Variants in GRIN3A observed in about 807,000 individuals in gnomAD.
GRIN3A encodes glutamate receptor ionotropic, NMDA 3A.
Under a neutral mutation model 92.4 loss-of-function variants are expected in GRIN3A, and 47 were observed. The ratio of observed to expected loss-of-function variants is 0.51; its 90% CI spans 0.40 to 0.65. The LOEUF (loss-of-function observed/expected upper bound fraction) is 0.65. GRIN3A is among the 30% of genes least tolerant of loss of function. The probability of loss-of-function intolerance (pLI) is 0.00; values close to 1 mark genes in which losing one functional copy is unlikely to be tolerated. For missense variants in GRIN3A, 1,324 were observed against 1,393.1 expected, an observed-to-expected ratio of 0.95 and a Z score of 0.79; for synonymous variants, 527 against 540.6, an observed-to-expected ratio of 0.97 and a Z score of 0.35.
intron 1 of GRIN3A, among the ~76,000 whole-genome samples, chr9:101,706,351 T>G (rs1469634480): frequency 1.3e-5 from 2 of 152,210 alleles, no homozygotes; most frequent in African/African-American, 4.8e-5. Context: ...ATGGGTCAGA[T>G]GCACTTAAAT....
chr9:101,618,360 AACAACCCCAT>A (rs1457241896), intron 5 of GRIN3A, among the ~76,000 whole-genome samples: 2 of 152,010 alleles, frequency 1.3e-5, no homozygotes, highest in Non-Finnish European at 2.9e-5. Context: ...GAAAAAAACA[AACAACCCCAT>A]CAAAAAGTGG....
In GRIN3A at chr9:101,573,490, A is replaced by G; in HGVS notation, c.3032T>C (p.Leu1011Pro). The G allele has an allele frequency of 6.2e-7, 1 of 1,613,974 alleles. No individual in the cohort carries two copies. Among genetic ancestry groups the G allele is most frequent in the Non-Finnish European group, 8.5e-7 (1 of 1,179,912 alleles). ...EKRSNVGPRQ[L>P]TVWNTSNLSH... Reference sequence around the variant, plus strand: ...CAGATTGGAAGTATTCCATACGGTAAGCTGACGGGGTCCCACATTAGACCT... The same window carrying G: ...CAGATTGGAAGTATTCCATACGGTAGGCTGACGGGGTCCCACATTAGACCT... Residue 1011 changes from leucine to proline, a missense_variant, in exon 9 of 9, where the codon CTT becomes CCT. Leu to Pro is a moderately conservative substitution (Grantham distance 98, BLOSUM62 -3). Coordinates refer to ENST00000361820, the MANE Select transcript of GRIN3A (RefSeq NM_133445.3).
intron 3 of GRIN3A, among the ~76,000 whole-genome samples, chr9:101,659,948 T>G (rs1264064128): frequency 6.6e-6 from 1 of 151,916 alleles, no homozygotes; most frequent in Non-Finnish European, 1.5e-5. Context: ...TTTTGACTTA[T>G]CAATCTGAAC....
intron 3 of GRIN3A, among the ~76,000 whole-genome samples, chr9:101,646,782 G>A (rs897038893): frequency 6.6e-6 from 1 of 151,536 alleles, no homozygotes; most frequent in Non-Finnish European, 1.5e-5. Context: ...CTGCGCATGG[G>A]ATTGCTTTCT....
rs369991777 is a variant in GRIN3A at position 101,737,640 on chromosome 9, C to G, written c.340G>C (p.Gly114Arg). 1.1e-5 allele frequency: 18 copies of G among 1,609,726 alleles called. No individual in the cohort carries two copies. Among genetic ancestry groups the G allele is most frequent in the Admixed American group, 1.7e-5 (1 of 59,788 alleles). Residue 114 changes from glycine to arginine, a missense_variant, in exon 1 of 9, where the codon GGG becomes CGG. Coordinates refer to ENST00000361820, the MANE Select transcript of GRIN3A (RefSeq NM_133445.3). The part of the protein sequence containing the change: ...GRGPPGSRKP[G>R]EGARAEALWP... The stretch of plus-strand genomic sequence containing the variant: ...AGGGCCTCCGCCCTGGCGCCCTCCC[C>G]GGGCTTACGGGAGCCCGGCGGCCCC...
At chr9:101,651,324 C>G (rs1829012345) in intron 3 of GRIN3A, among the ~76,000 whole-genome samples, 1 of 151,646 alleles carries the variant, frequency 6.6e-6, no homozygotes, top group African/African-American at 2.4e-5. Context: ...AAAACAACAC[C>G]AAGCAAACCA....
chr9:101,576,387 A>C (rs1244562544), intron 8 of GRIN3A, among the ~76,000 whole-genome samples: 3 of 152,120 alleles, frequency 2.0e-5, no homozygotes, highest in Admixed American at 2.0e-4. Flanking sequence ...TAAACCATGA[A>C]CACCTGTTCT....
At chr9:101,622,587 A>G (rs1828572696) in intron 5 of GRIN3A, among the ~76,000 whole-genome samples, 1 of 152,074 alleles carries the variant, frequency 6.6e-6, no homozygotes, top group South Asian at 2.1e-4. Context: ...CTGAGATCCC[A>G]AACAAGGATC....
intron 6 of GRIN3A, among the ~76,000 whole-genome samples, chr9:101,597,176 T>TGTTCTAGTTA (rs1259257914): frequency 6.6e-6 from 1 of 152,216 alleles, no homozygotes; most frequent in Non-Finnish European, 1.5e-5. Context: ...GACTTTTCCC[T>TGTTCTAGTTA]GTTCTAGTTA....
At chr9:101,697,680 A>G (rs1348493803) in intron 1 of GRIN3A, among the ~76,000 whole-genome samples, 1 of 152,198 alleles carries the variant, frequency 6.6e-6, no homozygotes, top group Non-Finnish European at 1.5e-5. Flanking sequence ...CCAGAAACCA[A>G]TTAGTGCACT....
intron 3 of GRIN3A, among the ~76,000 whole-genome samples, chr9:101,663,443 T>G (rs1001410483): frequency 6.6e-6 from 1 of 151,848 alleles, no homozygotes; most frequent in Non-Finnish European, 1.5e-5. Flanking sequence ...TGTTATTGAA[T>G]GAATTAAGAA....
chr9:101,702,063 A>T (rs1161976110), intron 1 of GRIN3A, among the ~76,000 whole-genome samples: 1 of 152,084 alleles, frequency 6.6e-6, no homozygotes, highest in Non-Finnish European at 1.5e-5. Context: ...GCACCTTGTG[A>T]GGCCAAATTG....
intron 1 of GRIN3A, among the ~76,000 whole-genome samples, chr9:101,695,157 A>G (rs1829669520): frequency 6.6e-6 from 1 of 152,194 alleles, no homozygotes; most frequent in African/African-American, 2.4e-5. Flanking sequence ...GTTTATAATG[A>G]TGGTGACCAT....
intron 1 of GRIN3A, among the ~76,000 whole-genome samples, chr9:101,723,979 G>GT (rs978512724): frequency 5.9e-5 from 9 of 152,162 alleles, no homozygotes; most frequent in African/African-American, 2.2e-4. Context: ...GCTTATTGGT[G>GT]TATTTACAAT....
At chr9:101,709,081 T>C (rs914840699) in intron 1 of GRIN3A, among the ~76,000 whole-genome samples, 1 of 152,190 alleles carries the variant, frequency 6.6e-6, no homozygotes, top group Non-Finnish European at 1.5e-5. Context: ...AGCCATAACC[T>C]GTATTCTAAC....
chr9:101,607,991 T>C (rs1169952469), intron 6 of GRIN3A, among the ~76,000 whole-genome samples: 1 of 152,186 alleles, frequency 6.6e-6, no homozygotes, highest in Admixed American at 6.5e-5. Flanking sequence ...GTGAGGACAA[T>C]CCTGAAATTC....
intron 6 of GRIN3A, among the ~76,000 whole-genome samples, chr9:101,609,797 A>T (rs957019764): frequency 6.6e-6 from 1 of 152,162 alleles, no homozygotes; most frequent in African/African-American, 2.4e-5. Context: ...TCATTCAGTA[A>T]TGCTGGCTTT....
At chr9:101,686,488 G>A (rs1263573043) in intron 2 of GRIN3A, 108 bp downstream of exon 2, 1 of 1,215,698 alleles carries the variant, frequency 8.2e-7, no homozygotes, top group Non-Finnish European at 1.2e-6. Flanking sequence ...TATTATTAAA[G>A]TTTAAAGCTA....
chr9:101,693,307 C>T (rs1394349959), intron 1 of GRIN3A, among the ~76,000 whole-genome samples: 1 of 150,742 alleles, frequency 6.6e-6, no homozygotes, highest in Non-Finnish European at 1.5e-5. Context: ...GTAATCCCAG[C>T]TACTCAGGAA....
Sources: gnomAD v4.1 joint callset for allele counts (sites outside exome capture counted in the v4.1 genomes callset) on GRCh38, gnomAD v4.1.1 for gene constraint, MANE v1.5 for transcripts, NCBI Gene and HGNC (gene_info 2026-07-23, HGNC 2026-07-21) for gene names.